ABCC11: variants seen among roughly 807,000 people sequenced by gnomAD.
ABCC11 encodes the protein ATP-binding cassette sub-family C member 11.
A neutral mutation model predicts 149.3 loss-of-function variants in ABCC11; 135 were observed. That is an observed-to-expected ratio of 0.90 (90% confidence interval 0.79 to 1.04). ABCC11 has a LOEUF of 1.04. Among genes scored for constraint, ABCC11 ranks in the 50% least tolerant of loss-of-function variants. The probability of loss-of-function intolerance (pLI) is 0.00; values close to 1 mark genes in which losing one functional copy is unlikely to be tolerated. For synonymous variants in ABCC11, 665 were observed against 671.4 expected, an observed-to-expected ratio of 0.99 and a Z score of 0.15; for missense variants, 1,680 against 1,722.1, an observed-to-expected ratio of 0.98 and a Z score of 0.43.
In ABCC11 at chr16:48,196,254, G is replaced by T; in HGVS notation, c.2382C>A (p.His794Gln). Reference protein sequence around the residue: ...EEGSLSWRVYHHYIQAAGGYM... With the variant: ...EEGSLSWRVYQHYIQAAGGYM... ...TACCTCCAGCTGCCTGGATGTAGTG[G>T]TGGTAGACCCTCCAACTCAAGGAGC... Residue 794 changes from histidine to glutamine, a missense_variant, in exon 18 of 30, where the codon CAC (histidine) becomes CAA (glutamine). Physicochemically the swap from His to Gln is conservative, Grantham distance 24. Coordinates refer to ENST00000356608, the MANE Select transcript of ABCC11 (RefSeq NM_001370497.1). The T allele has an allele frequency of 1.2e-6, 2 of 1,614,156 alleles. No homozygotes were observed. Among genetic ancestry groups the T allele is most frequent in the Non-Finnish European group, 1.7e-6 (2 of 1,180,022 alleles).
chr16:48,214,725 T>G (rs1375942500), intron 9 of ABCC11, among the ~76,000 whole-genome samples, 156 bp downstream of exon 9: 1 of 152,236 alleles, frequency 6.6e-6, no homozygotes, highest in Non-Finnish European at 1.5e-5. Flanking sequence ...TGGGTTGAGA[T>G]GGAAGACAGC....
intron 23 of ABCC11, among the ~76,000 whole-genome samples, chr16:48,181,430 C>T (rs1966424643): frequency 6.6e-6 from 1 of 152,168 alleles, no homozygotes; most frequent in Non-Finnish European, 1.5e-5. Context: ...CCAGGCTCTA[C>T]TCTAGGTTTT....
intron 1 of ABCC11, chr16:48,244,467 T>C: frequency 6.3e-7 from 1 of 1,597,204 alleles, no homozygotes; most frequent in Non-Finnish European, 8.5e-7. Context: ...GCTGCCCGGC[T>C]CCACCATGCG....
At chr16:48,236,839 T>C (rs866104537) in intron 1 of ABCC11, among the ~76,000 whole-genome samples, 3 of 152,324 alleles carry the variant, frequency 2.0e-5, no homozygotes, top group Middle Eastern at 3.4e-3. Flanking sequence ...TTTTAAAAAC[T>C]AAATCCAGCC....
intron 5 of ABCC11, 75 bp from the exon 6 acceptor site, chr16:48,222,906 G>A (rs1969842092): frequency 1.6e-6 from 2 of 1,273,568 alleles, no homozygotes; most frequent in South Asian, 1.4e-5. Context: ...CTGGAAGAAG[G>A]GTTGGGAGGT....
chr16:48,183,784 A>C (rs1303304553), intron 23 of ABCC11, among the ~76,000 whole-genome samples: 1 of 152,112 alleles, frequency 6.6e-6, no homozygotes, highest in Non-Finnish European at 1.5e-5. Flanking sequence ...AACAAATTAG[A>C]TTCCAAGACC....
chr16:48,224,296 T>G lies in ABCC11; in HGVS notation c.529A>C (p.Ser177Arg), dbSNP rs1969932911. 1.2e-6 allele frequency: 2 copies of G among 1,614,146 alleles called. No individual in the cohort carries two copies. Among genetic ancestry groups the G allele is most frequent in the Non-Finnish European group, 1.7e-6 (2 of 1,180,000 alleles). The change falls in exon 5 of 30, where the codon AGT (serine) becomes CGT (arginine). Residue 177 changes from serine (S) to arginine (R), a missense_variant. By Grantham distance (110) the Ser-to-Arg change is moderately radical. Transcript: ENST00000356608. ...CTGCCACTTACTGGCCCGAGTACAC[T>G]GGCAATGCAGAAGCAGATGCCCAGA... is the stretch of plus-strand genomic sequence containing the variant. ...ALLGICFCIASVLGPILIIPK... is the reference protein window; with the variant it reads ...ALLGICFCIARVLGPILIIPK...
At chr16:48,194,037 G>T in intron 18 of ABCC11, 55 bp from the exon 19 acceptor site, 1 of 1,277,242 alleles carries the variant, frequency 7.8e-7, no homozygotes, top group Non-Finnish European at 1.1e-6. Flanking sequence ...CGAGGCAACT[G>T]CTGACTCAGC....
At chr16:48,220,902 G>A (rs955413855) in intron 6 of ABCC11, among the ~76,000 whole-genome samples, 4 of 152,210 alleles carry the variant, frequency 2.6e-5, no homozygotes, top group Admixed American at 6.5e-5. Flanking sequence ...TTTGAAGGGG[G>A]CTCATATTAG....
intron 15 of ABCC11, among the ~76,000 whole-genome samples, chr16:48,199,845 T>C (rs1287666622): frequency 6.6e-6 from 1 of 151,920 alleles, no homozygotes. Context: ...GCTAATTTTT[T>C]TAAATTTTTG....
At position 48,198,161 on chromosome 16, in the gene ABCC11, T is replaced by C; in HGVS notation, c.2197A>G (p.Met733Val). 2 of 1,614,220 alleles carry C rather than the reference T, an allele frequency of 1.2e-6. No individual in the cohort carries two copies. The highest frequency in any genetic ancestry group is 1.7e-6 in the Non-Finnish European group (2 of 1,180,038). Residue 733 changes from methionine (M) to valine (V), a missense_variant, in exon 16 of 30, where the codon ATG (methionine) becomes GTG (valine). Coordinates refer to ENST00000356608, the MANE Select transcript of ABCC11 (RefSeq NM_001370497.1). ...KGKYAQLIQK[M>V]HKEATSDMLQ... Reference sequence around the variant, plus strand: ...CTCACCGAAGTGGCTTCCTTGTGCATCTTCTGGATAAGTTGGGCATATTTC... The same window carrying C: ...CTCACCGAAGTGGCTTCCTTGTGCACCTTCTGGATAAGTTGGGCATATTTC...
In ABCC11 at chr16:48,230,463, G is replaced by T. The variant is rs368116218; in HGVS notation, c.210C>A (p.Thr70=). ...TCGGCTTGGGACGGAAGGGAATCATGGTTCTCAAGGCAGCATCATACTTCC... is the reference window on the plus strand; with the variant it reads ...TCGGCTTGGGACGGAAGGGAATCATTGTTCTCAAGGCAGCATCATACTTCC... ...PWGKYDAALR[T]MIPFRPKPRF... The change falls in exon 3 of 30, where the codon ACC becomes ACA. Residue 70 remains threonine (T), a synonymous_variant. Coordinates refer to ENST00000356608, the MANE Select transcript of ABCC11 (RefSeq NM_001370497.1). 5.6e-6 allele frequency: 9 copies of T among 1,610,152 alleles called. No homozygotes were observed. Among genetic ancestry groups the T allele is most frequent in the Non-Finnish European group, 7.6e-6 (9 of 1,178,488 alleles).
At chr16:48,184,375 C>T in intron 23 of ABCC11, 65 bp downstream of exon 23, 1 of 1,560,820 alleles carries the variant, frequency 6.4e-7, no homozygotes, top group South Asian at 1.2e-5. Flanking sequence ...CCTGAGTCTG[C>T]CCAGAAGCCA....
chr16:48,225,404 C>T (rs529464808), intron 4 of ABCC11, among the ~76,000 whole-genome samples: 54 of 152,302 alleles, frequency 3.5e-4, no homozygotes, highest in Middle Eastern at 6.8e-3. Flanking sequence ...AATCTGTAAG[C>T]GTTTCCCCTT....
At position 48,238,934 on chromosome 16, in the gene ABCC11, T is replaced by TAAAAA. The variant is rs3048246; in HGVS notation, c.-18-7000_-18-6996dup. ...CCTGGGCGACAGAGGAGACTCTGTC[T>TAAAAA]AAAAAAAAAAAAAAAAAAAAAAAAA... On this transcript the variant is annotated intron_variant, in intron 1 of 29. Transcript: ENST00000356608. Among the ~76,000 whole-genome samples, 173 of 40,538 alleles carry TAAAAA rather than the reference T, an allele frequency of 4.3e-3. 4 individuals carry two copies. Among genetic ancestry groups the TAAAAA allele is most frequent in the African/African-American group, 0.014 (115 of 8,142 alleles). 26.6% of individuals were successfully genotyped at this position (40,538 alleles called of 152,430 possible).
intron 14 of ABCC11, 45 bp from the exon 15 acceptor site, chr16:48,200,524 A>T: frequency 1.3e-6 from 2 of 1,593,506 alleles, no homozygotes; most frequent in Non-Finnish European, 1.7e-6. Context: ...CAGCAAGCAC[A>T]GCCAGGTGTG....
chr16:48,186,127 G>A (rs1567492393), intron 22 of ABCC11, among the ~76,000 whole-genome samples: 1 of 152,170 alleles, frequency 6.6e-6, no homozygotes, highest in Non-Finnish European at 1.5e-5. Context: ...CACAGACCTT[G>A]AGTGGTCTAT....
Sources: gnomAD v4.1 joint callset for allele counts (sites outside exome capture counted in the v4.1 genomes callset) on GRCh38, gnomAD v4.1.1 for gene constraint, MANE v1.5 for transcripts, NCBI Gene and HGNC (gene_info 2026-07-23, HGNC 2026-07-21) for gene names.